The following MMP16 variants were observed in gnomAD, a reference collection of about 807,000 sequenced individuals.
MMP16 encodes the protein matrix metallopeptidase 16.
Under a neutral mutation model 67.8 loss-of-function variants are expected in MMP16, and 12 were observed. The ratio of observed to expected loss-of-function variants is 0.18; its 90% CI spans 0.11 to 0.29. The LOEUF (loss-of-function observed/expected upper bound fraction) is 0.29. MMP16 is among the 10% of genes least tolerant of loss of function. The pLI, the probability that MMP16 is intolerant of heterozygous loss-of-function variation, is 1.00. For synonymous variants in MMP16, 249 were observed against 255.9 expected, an observed-to-expected ratio of 0.97 and a Z score of 0.26; for missense variants, 475 against 765.7, an observed-to-expected ratio of 0.62 and a Z score of 4.48.
At position 88,181,139 on chromosome 8, in the gene MMP16, C is replaced by T. The variant is rs117747932; in HGVS notation, c.404+5337G>A. Among the ~76,000 whole-genome samples the T allele has an allele frequency of 4.1e-3, 617 of 151,836 alleles. 1 individual carries two copies. Among genetic ancestry groups the T allele is most frequent in the Non-Finnish European group, 4.6e-3 (312 of 67,810 alleles). On this transcript the variant is annotated intron_variant, in intron 3 of 9. Coordinates refer to ENST00000286614, the MANE Select transcript of MMP16 (RefSeq NM_005941.5). ...TAAGATCAGAAAAGCCAATGAGTTC[C>T]GTTCTTACCACTCCTACTCAACACC...
At chr8:88,252,725 T>G (rs1810245932) in intron 1 of MMP16, among the ~76,000 whole-genome samples, 1 of 151,878 alleles carries the variant, frequency 6.6e-6, no homozygotes, top group Admixed American at 6.6e-5. Context: ...ATTCTCAGAA[T>G]TTTTAATTAT....
intron 9 of MMP16, among the ~76,000 whole-genome samples, chr8:88,043,016 A>G (rs1808152387): frequency 6.6e-6 from 1 of 152,204 alleles, no homozygotes; most frequent in African/African-American, 2.4e-5. Flanking sequence ...ATAGTTTATA[A>G]TCGTTAATGA....
intron 7 of MMP16, among the ~76,000 whole-genome samples, chr8:88,062,987 G>A (rs550236873): frequency 1.3e-5 from 2 of 152,168 alleles, no homozygotes; most frequent in South Asian, 2.1e-4. Context: ...TTGGCAGAAT[G>A]TAAGTATTCC....
chr8:88,065,597 T>A (rs1808453844), intron 7 of MMP16, among the ~76,000 whole-genome samples: 1 of 152,082 alleles, frequency 6.6e-6, no homozygotes, highest in Non-Finnish European at 1.5e-5. Flanking sequence ...TAATCTAGTA[T>A]AACTTTTTAT....
At position 88,167,571 on chromosome 8, in the gene MMP16, T is replaced by A. The variant is rs1808734565; in HGVS notation, c.709+98A>T. The A allele has an allele frequency of 1.2e-5, 15 of 1,207,098 alleles. No individual in the cohort carries two copies. In the South Asian group the frequency reaches 2.2e-4, roughly 18 times the overall value. The allele number at this position is 1,207,098 out of a possible 1,614,324, so 74.8% of individuals were successfully genotyped here. A position where few individuals can be genotyped will look rare whatever the true frequency, so the allele number is the denominator to read the frequency against. ...ATTGCTTTGGAATTTTAAAAGTAAA[T>A]TTAGGATCTATACCTTAAGTTTGTA... is the stretch of plus-strand genomic sequence containing the variant. On this transcript the variant is annotated intron_variant, in intron 4 of 9. Transcript: ENST00000286614.
At chr8:88,289,075 G>A (rs1164230036) in intron 1 of MMP16, among the ~76,000 whole-genome samples, 1 of 152,054 alleles carries the variant, frequency 6.6e-6, no homozygotes, top group East Asian at 1.9e-4. Flanking sequence ...TTAGATAATG[G>A]GGAGAACATT....
At chr8:88,160,348 C>A (rs1426709806) in intron 4 of MMP16, among the ~76,000 whole-genome samples, 2 of 151,944 alleles carry the variant, frequency 1.3e-5, no homozygotes, top group East Asian at 3.9e-4. Context: ...ATATGTGCCA[C>A]ATTTTCTTAA....
At chr8:88,148,544 G>A (rs1253264801) in intron 4 of MMP16, among the ~76,000 whole-genome samples, 2 of 152,074 alleles carry the variant, frequency 1.3e-5, no homozygotes, top group African/African-American at 2.4e-5. Flanking sequence ...ATTTTAACGC[G>A]GGAGCTTCAG....
intron 1 of MMP16, among the ~76,000 whole-genome samples, chr8:88,218,714 G>A (rs2129839135): frequency 6.6e-6 from 1 of 152,110 alleles, no homozygotes; most frequent in African/African-American, 2.4e-5. Context: ...ATGCCTTAAT[G>A]TCAAGAATCC....
At chr8:88,306,518 TAAAA>T (rs1381815875) in intron 1 of MMP16, among the ~76,000 whole-genome samples, 2 of 151,990 alleles carry the variant, frequency 1.3e-5, no homozygotes, top group African/African-American at 2.4e-5. Context: ...AACATGGATG[TAAAA>T]ATCCTCAGTA....
chr8:88,197,710 T>G (rs890875566), intron 1 of MMP16, among the ~76,000 whole-genome samples: 9 of 152,266 alleles, frequency 5.9e-5, no homozygotes, highest in Non-Finnish European at 1.0e-4. Context: ...GGGCAGTCAA[T>G]GTGCATATAC....
chr8:88,163,701 G>A (rs2129690127), intron 4 of MMP16, among the ~76,000 whole-genome samples: 1 of 152,062 alleles, frequency 6.6e-6, no homozygotes, highest in Non-Finnish European at 1.5e-5. Flanking sequence ...TTTAACCATA[G>A]ACAAGGAAAT....
chr8:88,220,606 T>C (rs1399649061), intron 1 of MMP16, among the ~76,000 whole-genome samples: 1 of 152,096 alleles, frequency 6.6e-6, no homozygotes, highest in Non-Finnish European at 1.5e-5. Context: ...CCATTGATAA[T>C]CATTGCCTAG....
intron 6 of MMP16, among the ~76,000 whole-genome samples, chr8:88,094,387 A>G (rs1277729091): frequency 6.6e-6 from 1 of 151,772 alleles, no homozygotes; most frequent in Non-Finnish European, 1.5e-5. Flanking sequence ...AAGATTAACT[A>G]GTGATATTGT....
intron 4 of MMP16, among the ~76,000 whole-genome samples, chr8:88,161,949 T>C (rs1428400111): frequency 1.3e-5 from 2 of 152,104 alleles, no homozygotes; most frequent in African/African-American, 2.4e-5. Flanking sequence ...TTCTTTTACA[T>C]TTGCTGATGA....
intron 1 of MMP16, among the ~76,000 whole-genome samples, chr8:88,207,026 A>T (rs1809439418): frequency 6.6e-6 from 1 of 152,196 alleles, no homozygotes; most frequent in South Asian, 2.1e-4. Context: ...ACAATTTGAA[A>T]AACCTCATAG....
At chr8:88,068,633 CAT>C (rs1374475707) in intron 7 of MMP16, among the ~76,000 whole-genome samples, 2 of 152,000 alleles carry the variant, frequency 1.3e-5, no homozygotes, top group South Asian at 2.1e-4. Flanking sequence ...ATTACTTGTC[CAT>C]ATATGTTTTG....
At position 88,132,827 on chromosome 8, in the gene MMP16, A is replaced by C. The variant is rs28907613; in HGVS notation, c.710-13966T>G. Among the ~76,000 whole-genome samples, 448 of 152,018 alleles carry C rather than the reference A, an allele frequency of 2.9e-3. 3 individuals carry two copies. Among genetic ancestry groups the C allele is most frequent in the African/African-American group, 0.011 (437 of 41,512 alleles). On this transcript the variant is annotated intron_variant, in intron 4 of 9. Coordinates refer to ENST00000286614, the MANE Select transcript of MMP16 (RefSeq NM_005941.5). ...TGGCCATTTGGGGGCTGGTTACTCCAACACCAGTAACAATAGTGAATGCTA... is the reference window on the plus strand; with the variant it reads ...TGGCCATTTGGGGGCTGGTTACTCCCACACCAGTAACAATAGTGAATGCTA...
chr8:88,300,979 T>C (rs910678221), intron 1 of MMP16, among the ~76,000 whole-genome samples: 1 of 152,192 alleles, frequency 6.6e-6, no homozygotes, highest in African/African-American at 2.4e-5. Flanking sequence ...TATGCATGTG[T>C]TTAGAGGCAG....
Sources: allele counts gnomAD v4.1 joint callset (sites outside exome capture counted in the v4.1 genomes callset), GRCh38; gene constraint gnomAD v4.1.1; transcripts MANE v1.5; gene names NCBI Gene and HGNC (gene_info 2026-07-23, HGNC 2026-07-21).